PCGF5: variants seen among roughly 807,000 people sequenced by gnomAD.
The protein encoded by PCGF5 is polycomb group ring finger 5, also known as polycomb group RING finger protein 5.
Under a neutral mutation model 44.3 loss-of-function variants are expected in PCGF5, and 9 were observed. That is an observed-to-expected ratio of 0.20 (90% CI 0.12 to 0.35). The LOEUF is 0.35. Ranked by LOEUF, PCGF5 falls within the 10% of genes least tolerant of loss-of-function variation. The pLI is 1.00. For synonymous variants in PCGF5, 95 were observed against 102.5 expected (o/e 0.93, Z 0.44); for missense variants, 146 against 305.3 (o/e 0.48, Z 3.89).
chr10:91,217,882 G>A (rs1388423758), upstream of PCGF5, among the ~76,000 whole-genome samples: 2 of 152,126 alleles, frequency 1.3e-5, no homozygotes. Flanking sequence ...CACCTCCCAA[G>A]TTCAAGTGAT....
chr10:91,213,243 GA>G (rs1172212469), intron 1 of PCGF5, among the ~76,000 whole-genome samples: 1 of 152,216 alleles, frequency 6.6e-6, no homozygotes, highest in Admixed American at 6.5e-5. Flanking sequence ...TAAGAGAGAT[GA>G]ATCAAAAGTA....
In PCGF5 at chr10:91,169,216, C is replaced by T. The variant is rs190451087; in HGVS notation, c.-184+6135C>T. On this transcript the variant is annotated intron_variant, in intron 1 of 9. Coordinates refer to the PCGF5 transcript ENST00000614189. ...GCCCAATTTTAATCTTAAAAGAGAGCCTATTTTTGAATAATTGAATTGATT... is the reference window on the plus strand; with the variant it reads ...GCCCAATTTTAATCTTAAAAGAGAGTCTATTTTTGAATAATTGAATTGATT... 1.7e-3 allele frequency among the ~76,000 whole-genome samples: 266 copies of T among 152,032 alleles called. 5 individuals carry two copies. The highest frequency in any genetic ancestry group is 0.015 in the Admixed American group (226 of 15,266).
chr10:91,170,184 TAGG>T (rs1843578518), intron 1 of PCGF5, among the ~76,000 whole-genome samples: 1 of 152,138 alleles, frequency 6.6e-6, no homozygotes. Flanking sequence ...GAAGATAACA[TAGG>T]AGAAAATCTG....
chr10:91,235,136 T>C (rs532094635), intron 2 of PCGF5, among the ~76,000 whole-genome samples: 1 of 152,304 alleles, frequency 6.6e-6, no homozygotes, highest in East Asian at 1.9e-4. Context: ...GAGTCATCTT[T>C]TGGCTGCATC....
At chr10:91,253,726 A>G (rs1053012384) in intron 6 of PCGF5, among the ~76,000 whole-genome samples, 2 of 151,750 alleles carry the variant, frequency 1.3e-5, no homozygotes, top group Non-Finnish European at 2.9e-5. Flanking sequence ...TGTTTTCTGT[A>G]CCCTTAATTT....
intron 1 of PCGF5, among the ~76,000 whole-genome samples, chr10:91,184,089 G>T (rs183859458): frequency 9.5e-4 from 144 of 152,212 alleles, no homozygotes; most frequent in African/African-American, 2.4e-3. Context: ...TGCATTTCCT[G>T]AATTTGAAGG....
chr10:91,258,222 G>A (rs1220174669), intron 6 of PCGF5, among the ~76,000 whole-genome samples: 1 of 152,092 alleles, frequency 6.6e-6, no homozygotes, highest in Non-Finnish European at 1.5e-5. Context: ...CATAGTAATG[G>A]TTGTACAACT....
At chr10:91,276,784 A>G (rs1451228978) in intron 9 of PCGF5, among the ~76,000 whole-genome samples, 3 of 152,326 alleles carry the variant, frequency 2.0e-5, no homozygotes, top group East Asian at 1.9e-4. Context: ...TGCAAATTCA[A>G]TAGAATCAGG....
upstream of PCGF5, among the ~76,000 whole-genome samples, chr10:91,159,167 G>A (rs947866018): frequency 2.6e-5 from 4 of 152,110 alleles, no homozygotes; most frequent in Admixed American, 2.6e-4. Context: ...ATAATGCAGG[G>A]AACATACAAT....
chr10:91,202,192 A>G (rs1159910414), intron 1 of PCGF5, among the ~76,000 whole-genome samples: 3 of 152,234 alleles, frequency 2.0e-5, no homozygotes, highest in Non-Finnish European at 2.9e-5. Context: ...AATGTGCTGT[A>G]TAAGTGCTAT....
At chr10:91,157,503 A>G in the PCGF5 span, among the ~76,000 whole-genome samples, 1 of 152,200 alleles carries the variant, frequency 6.6e-6, no homozygotes, top group Non-Finnish European at 1.5e-5. Context: ...GAATTTGGAG[A>G]CAGTGAAACC....
chr10:91,252,576 G>C (rs777064899), intron 6 of PCGF5, among the ~76,000 whole-genome samples: 2 of 151,964 alleles, frequency 1.3e-5, no homozygotes, highest in Non-Finnish European at 2.9e-5. Flanking sequence ...ATTGGACAGG[G>C]CATGTAATAA....
chr10:91,199,535 G>A (rs1033674604), intron 1 of PCGF5, among the ~76,000 whole-genome samples: 2 of 152,226 alleles, frequency 1.3e-5, no homozygotes, highest in African/African-American at 4.8e-5. Flanking sequence ...CCCATCAAGT[G>A]CAGCCCAAAG....
intron 1 of PCGF5, among the ~76,000 whole-genome samples, chr10:91,207,541 CTATATT>C (rs1315899443): frequency 6.6e-6 from 1 of 152,190 alleles, no homozygotes; most frequent in East Asian, 1.9e-4. Context: ...CATACAGTTA[CTATATT>C]CAGGAAATAT....
At chr10:91,180,258 T>C (rs892694492) in intron 1 of PCGF5, among the ~76,000 whole-genome samples, 2 of 152,248 alleles carry the variant, frequency 1.3e-5, no homozygotes, top group Non-Finnish European at 2.9e-5. Context: ...ATTTGTCAGA[T>C]GCATAGGTTG....
chr10:91,249,652 T>A (rs1457353371), intron 5 of PCGF5, among the ~76,000 whole-genome samples: 1 of 151,826 alleles, frequency 6.6e-6, no homozygotes, highest in Non-Finnish European at 1.5e-5. Flanking sequence ...CTCCCTTTTT[T>A]AATCTGTAAA....
chr10:91,208,792 T>C (rs1564633910), intron 1 of PCGF5, among the ~76,000 whole-genome samples: 1 of 152,232 alleles, frequency 6.6e-6, no homozygotes. Context: ...CTTCAGTTCC[T>C]GGTTTCTGGG....
rs186171951 is a variant in PCGF5, at chr10:91,169,064, C to G, written c.-184+5983C>G. Among the ~76,000 whole-genome samples the G allele has an allele frequency of 4.7e-4, 72 of 151,642 alleles. 1 individual carries two copies. The highest frequency in any genetic ancestry group is 1.7e-3 in the African/African-American group (69 of 41,394). Reference sequence around the variant, plus strand: ...AGGAGGGCAATTAATACACTAGGCTCTCCTCAAGCAGGAGAGATAGGATAG... The same window carrying G: ...AGGAGGGCAATTAATACACTAGGCTGTCCTCAAGCAGGAGAGATAGGATAG... On this transcript the variant is annotated intron_variant, in intron 1 of 9. Coordinates refer to the PCGF5 transcript ENST00000614189.
intron 1 of PCGF5, among the ~76,000 whole-genome samples, chr10:91,164,222 TC>T (rs898608769): frequency 1.3e-4 from 20 of 149,832 alleles, no homozygotes; most frequent in African/African-American, 3.7e-4. Flanking sequence ...GACAGCGGGG[TC>T]CCCCCCTTCC....
Sources: allele counts gnomAD v4.1 joint callset (sites outside exome capture counted in the v4.1 genomes callset), GRCh38; gene constraint gnomAD v4.1.1; transcripts MANE v1.5; gene names NCBI Gene and HGNC (gene_info 2026-07-23, HGNC 2026-07-21).